Variants in FBN2 observed in about 807,000 individuals in gnomAD.
FBN2 encodes the protein fibrillin-2.
In FBN2, 105 loss-of-function variants were observed where a neutral mutation model predicts 355.6. The observed-to-expected ratio is 0.30, with a 90% CI of 0.25 to 0.35. The LOEUF is 0.35. Among genes scored for constraint, FBN2 ranks in the 10% least tolerant of loss-of-function variants. The probability of loss-of-function intolerance (pLI) is 1.00; values close to 1 mark genes in which losing one functional copy is unlikely to be tolerated. For synonymous variants in FBN2, 1,350 were observed against 1,301.2 expected, an observed-to-expected ratio of 1.04 and a Z score of -0.81; for missense variants, 3,280 against 3,758.7, an observed-to-expected ratio of 0.87 and a Z score of 3.33.
chr5:128,476,593 A>T (rs887652772), intron 5 of FBN2, among the ~76,000 whole-genome samples: 5 of 152,130 alleles, frequency 3.3e-5, no homozygotes, highest in Non-Finnish European at 7.4e-5. Context: ...GATTTATCTA[A>T]CTAAAAAATA....
intron 39 of FBN2, 141 bp downstream of exon 39, chr5:128,311,159 A>G: frequency 1.3e-6 from 1 of 786,220 alleles, no homozygotes; most frequent in Non-Finnish European, 2.1e-6. Context: ...ACTTAGCTAC[A>G]TTGATATGAA....
At chr5:128,426,776 T>TTGA (rs2127024017) in intron 7 of FBN2, among the ~76,000 whole-genome samples, 1 of 152,320 alleles carries the variant, frequency 6.6e-6, no homozygotes, top group South Asian at 2.1e-4. Flanking sequence ...CTATGAGCAC[T>TTGA]TTCAAGGTTG....
rs372334855 is a variant in FBN2 at position 128,451,552 on chromosome 5, C to A, written c.827-4946G>T. On this transcript the variant is annotated intron_variant, in intron 6 of 64. Coordinates refer to ENST00000262464, the MANE Select transcript of FBN2 (RefSeq NM_001999.4). Reference sequence around the variant, plus strand: ...AGTAGCTGGGATTACAGGCATGAGACACCTCATCCGGCTAATTTTGTACTT... The same window carrying A: ...AGTAGCTGGGATTACAGGCATGAGAAACCTCATCCGGCTAATTTTGTACTT... 3.9e-5 allele frequency among the ~76,000 whole-genome samples: 6 copies of A among 152,122 alleles called. No individual in the cohort carries two copies. The East Asian group carries it at 1.2e-3, about 29-fold the overall frequency.
intron 39 of FBN2, 23 bp downstream of exon 39, chr5:128,311,277 T>C: frequency 6.2e-7 from 1 of 1,613,886 alleles, no homozygotes; most frequent in Non-Finnish European, 8.5e-7. Flanking sequence ...CACTGAGCAT[T>C]TTAGGCATCA....
At chr5:128,288,143 A>G (rs955826199) in intron 53 of FBN2, among the ~76,000 whole-genome samples, 4 of 152,172 alleles carry the variant, frequency 2.6e-5, no homozygotes. Context: ...ACATTAACCA[A>G]TATACTGAAA....
At chr5:128,504,361 A>C (rs759553171) in intron 5 of FBN2, among the ~76,000 whole-genome samples, 3 of 151,648 alleles carry the variant, frequency 2.0e-5, no homozygotes, top group Non-Finnish European at 4.4e-5. Flanking sequence ...AGATTCACCA[A>C]CAACAACTTG....
chr5:128,293,547 T>C lies in FBN2; in HGVS notation c.6167-1893A>G, dbSNP rs527278779. 8.5e-5 allele frequency among the ~76,000 whole-genome samples: 13 copies of C among 152,182 alleles called. 1 individual carries two copies. In the South Asian group the frequency reaches 2.7e-3, roughly 32 times the overall value. On this transcript the variant is annotated intron_variant, in intron 48 of 64. Transcript: ENST00000262464. ...TTTTCAGAGATGCAAACTAGTGTCA[T>C]TGCTAACGATAGATGAAGGAAAACG...
At chr5:128,293,773 A>C (rs555564170) in intron 48 of FBN2, among the ~76,000 whole-genome samples, 116 of 152,268 alleles carry the variant, frequency 7.6e-4, no homozygotes, top group African/African-American at 2.7e-3. Context: ...AAGAAGAATC[A>C]AGATTGAGCA....
At chr5:128,268,705 G>A (rs1272064136) in intron 62 of FBN2, among the ~76,000 whole-genome samples, 1 of 152,202 alleles carries the variant, frequency 6.6e-6, no homozygotes, top group Non-Finnish European at 1.5e-5. Flanking sequence ...TCCCTTTGAT[G>A]CAAGGCTGGT....
intron 34 of FBN2, chr5:128,328,455 G>T (rs1484188408): frequency 3.3e-6 from 2 of 612,478 alleles, no homozygotes; most frequent in African/African-American, 1.8e-5. Context: ...GGTTAAAAAA[G>T]AAAAAAGAAT....
chr5:128,329,290 C>A (rs1017145240), intron 33 of FBN2, among the ~76,000 whole-genome samples: 1 of 152,126 alleles, frequency 6.6e-6, no homozygotes, highest in East Asian at 1.9e-4. Flanking sequence ...GGGAAAGTTT[C>A]TTTCATGTCA....
intron 53 of FBN2, 92 bp downstream of exon 53, chr5:128,288,346 A>T: frequency 1.4e-6 from 2 of 1,444,316 alleles, no homozygotes; most frequent in Non-Finnish European, 1.9e-6. Flanking sequence ...GCTCACCAGC[A>T]GAATATCAGA....
intron 48 of FBN2, among the ~76,000 whole-genome samples, chr5:128,297,732 C>T (rs985728854): frequency 2.6e-4 from 40 of 152,160 alleles, no homozygotes; most frequent in African/African-American, 8.9e-4. Context: ...ATGTGTGTCT[C>T]TGCCCGTGAG....
chr5:128,465,031 A>G (rs1016604617), intron 5 of FBN2, 110 bp from the exon 6 acceptor site: 24 of 1,057,964 alleles, frequency 2.3e-5, no homozygotes, highest in Non-Finnish European at 3.4e-5. Flanking sequence ...CAAAGTGTCC[A>G]AAGACAGAAG....
At chr5:128,404,587 A>G (rs1172377317) in intron 8 of FBN2, among the ~76,000 whole-genome samples, 2 of 152,346 alleles carry the variant, frequency 1.3e-5, no homozygotes, top group Non-Finnish European at 2.9e-5. Flanking sequence ...TACATTCAAT[A>G]TCATCTCATT....
intron 5 of FBN2, among the ~76,000 whole-genome samples, chr5:128,479,850 C>T (rs573327631): frequency 1.0e-3 from 149 of 149,478 alleles, no homozygotes; most frequent in African/African-American, 3.2e-3. Context: ...TTGCTTGAGG[C>T]GAGAAGTTCA....
At chr5:128,424,436 T>C (rs1051229998) in intron 7 of FBN2, among the ~76,000 whole-genome samples, 1 of 152,020 alleles carries the variant, frequency 6.6e-6, no homozygotes, top group South Asian at 2.1e-4. Flanking sequence ...AAGGAGAAGA[T>C]AGAAAGGGAA....
intron 39 of FBN2, among the ~76,000 whole-genome samples, chr5:128,310,379 T>C (rs1390929839): frequency 8.7e-5 from 1 of 11,442 alleles, no homozygotes; most frequent in Non-Finnish European, 1.6e-4. Flanking sequence ...TATATATATA[T>C]ATATATATAT....
intron 42 of FBN2, among the ~76,000 whole-genome samples, chr5:128,306,206 TA>T (rs1749871541): frequency 6.6e-6 from 1 of 152,236 alleles, no homozygotes; most frequent in African/African-American, 2.4e-5. Context: ...ATGAACTTTC[TA>T]GGCAATCAAA....
Sources: gnomAD v4.1 joint callset for allele counts (sites outside exome capture counted in the v4.1 genomes callset) on GRCh38, gnomAD v4.1.1 for gene constraint, MANE v1.5 for transcripts, NCBI Gene and HGNC (gene_info 2026-07-23, HGNC 2026-07-21) for gene names.